Variants in ST6GAL1 observed in about 807,000 individuals in gnomAD.
ST6GAL1 encodes beta-galactoside alpha-2,6-sialyltransferase 1.
ST6GAL1 carries 20 observed loss-of-function variants against 38.0 expected under a neutral mutation model. The ratio of observed to expected loss-of-function variants is 0.53; its 90% confidence interval spans 0.37 to 0.77. The LOEUF (loss-of-function observed/expected upper bound fraction) is 0.77, where lower values mean the gene tolerates loss of function less well. ST6GAL1 is among the 30% of genes least tolerant of loss of function. ST6GAL1 has a pLI of 0.00. For missense variants in ST6GAL1, 432 were observed against 496.4 expected, an observed-to-expected ratio of 0.87 and a Z score of 1.23; for synonymous variants, 196 against 188.2, an observed-to-expected ratio of 1.04 and a Z score of -0.34.
intron 1 of ST6GAL1, among the ~76,000 whole-genome samples, chr3:186,953,090 G>A (rs567712662): frequency 4.3e-4 from 66 of 152,232 alleles, no homozygotes; most frequent in African/African-American, 1.2e-3. Flanking sequence ...TCTTAGAATC[G>A]TTTCACAACT....
chr3:186,938,970 G>T (rs866096949), intron 1 of ST6GAL1, among the ~76,000 whole-genome samples: 1 of 151,984 alleles, frequency 6.6e-6, no homozygotes, highest in Middle Eastern at 3.4e-3. Context: ...GTATGTGTGT[G>T]TAGGGAGGAT....
chr3:187,035,261 A>G (rs1311057266), intron 2 of ST6GAL1, among the ~76,000 whole-genome samples: 1 of 152,214 alleles, frequency 6.6e-6, no homozygotes, highest in East Asian at 1.9e-4. Context: ...GATGACACAA[A>G]CTAATGGAAA....
At chr3:186,993,610 T>C (rs1716259591) in intron 2 of ST6GAL1, among the ~76,000 whole-genome samples, 1 of 149,058 alleles carries the variant, frequency 6.7e-6, no homozygotes, top group African/African-American at 2.5e-5. Flanking sequence ...ATTTATATGT[T>C]TTAGAAAACT....
At chr3:186,961,766 T>G (rs1714943551) in intron 1 of ST6GAL1, among the ~76,000 whole-genome samples, 1 of 152,128 alleles carries the variant, frequency 6.6e-6, no homozygotes, top group South Asian at 2.1e-4. Flanking sequence ...CATCTCTCAC[T>G]GAAAGTTTGG....
intron 5 of ST6GAL1, among the ~76,000 whole-genome samples, chr3:187,052,548 T>C (rs778490594): frequency 5.0e-4 from 76 of 152,312 alleles, no homozygotes; most frequent in Non-Finnish European, 9.8e-4. Context: ...ACATGCGGTG[T>C]TTGGTTTTCT....
At chr3:187,062,665 A>G (rs2108595708) in intron 5 of ST6GAL1, among the ~76,000 whole-genome samples, 1 of 151,920 alleles carries the variant, frequency 6.6e-6, no homozygotes, top group East Asian at 1.9e-4. Flanking sequence ...ATGGGGAGTT[A>G]CTGTTTAATG....
chr3:187,038,948 G>A (rs1718033169), intron 3 of ST6GAL1, 75 bp downstream of exon 3: 1 of 152,236 alleles, frequency 6.6e-6, no homozygotes, highest in African/African-American at 2.4e-5. Flanking sequence ...AGATGTCCTG[G>A]CAGGGAATCT....
In ST6GAL1 at chr3:187,053,875, T is replaced by C. The variant is rs1201946334; in HGVS notation, c.705+2529T>C. Among the ~76,000 whole-genome samples, 3 of 152,246 alleles carry C rather than the reference T, an allele frequency of 2.0e-5. 1 individual carries two copies. In the South Asian group the frequency reaches 6.2e-4, roughly 31 times the overall value. ...CTTGATGGGGATGGCATTGAATCTA[T>C]AAATTACCTTGGGCAGTATGGCCCT... On this transcript the variant is annotated intron_variant, in intron 5 of 7. Coordinates refer to ENST00000169298, the MANE Select transcript of ST6GAL1 (RefSeq NM_173216.2).
intron 2 of ST6GAL1, among the ~76,000 whole-genome samples, chr3:186,988,405 A>G (rs1354605693): frequency 1.3e-5 from 2 of 152,128 alleles, no homozygotes; most frequent in Admixed American, 6.5e-5. Flanking sequence ...TGAGAGGGGT[A>G]GAAGCTATTG....
chr3:187,000,795 G>A (rs901106559), intron 2 of ST6GAL1, among the ~76,000 whole-genome samples: 23 of 152,130 alleles, frequency 1.5e-4, no homozygotes, highest in Non-Finnish European at 2.9e-4. Context: ...TTGTTCTGAG[G>A]TATTTTCGTA....
At chr3:186,949,667 A>G (rs905026528) in intron 1 of ST6GAL1, among the ~76,000 whole-genome samples, 9 of 152,174 alleles carry the variant, frequency 5.9e-5, no homozygotes, top group Non-Finnish European at 2.9e-5. Flanking sequence ...TTCCCTGTTA[A>G]CTACCGTTTG....
intron 1 of ST6GAL1, among the ~76,000 whole-genome samples, chr3:186,947,889 A>G (rs1247110820): frequency 6.6e-6 from 1 of 152,246 alleles, no homozygotes; most frequent in Non-Finnish European, 1.5e-5. Flanking sequence ...CATCTGTTCA[A>G]GCACCCACAG....
chr3:187,028,947 G>A (rs146550160), intron 2 of ST6GAL1, among the ~76,000 whole-genome samples: 124 of 152,186 alleles, frequency 8.1e-4, no homozygotes, highest in African/African-American at 2.6e-3. Flanking sequence ...TTAGCAGGGC[G>A]TGGTGGTGCA....
intron 2 of ST6GAL1, among the ~76,000 whole-genome samples, chr3:186,975,668 A>G (rs1480550788): frequency 6.6e-6 from 1 of 152,178 alleles, no homozygotes; most frequent in Non-Finnish European, 1.5e-5. Flanking sequence ...CCCAGGAGGA[A>G]GGAGAGGATC....
Position 186,970,194 on chromosome 3 carries a change from ATTTCTTTTTCT to A in ST6GAL1, c.-183+6283_-183+6293del, listed in dbSNP as rs1330014347. 6.1e-3 allele frequency among the ~76,000 whole-genome samples: 894 copies of A among 147,540 alleles called. 9 individuals are homozygous for A. Among genetic ancestry groups the A allele is most frequent in the African/African-American group, 0.021 (854 of 40,074 alleles). The stretch of plus-strand genomic sequence containing the variant: ...ATCCCTAGAATCAAGATAGAGAACT[ATTTCTTTTTCT>A]TTTCTTTTTCTTTTTTTTTTTTTTT... On this transcript the variant is annotated intron_variant, in intron 2 of 7. Transcript: ENST00000169298.
At chr3:186,990,650 CT>C (rs111805405) in intron 2 of ST6GAL1, among the ~76,000 whole-genome samples, 36,053 of 129,336 alleles carry the variant, frequency 0.28, 4,204 homozygotes, top group South Asian at 0.41. Context: ...ACAGGATGTT[CT>C]TTTTTTTTTT....
intron 1 of ST6GAL1, among the ~76,000 whole-genome samples, chr3:186,939,249 A>AT (rs979813791): frequency 2.0e-5 from 3 of 151,358 alleles, no homozygotes; most frequent in African/African-American, 7.3e-5. Flanking sequence ...AATTTTATTT[A>AT]TTTTTTTTGT....
At chr3:187,062,295 TGGAA>T in intron 5 of ST6GAL1, among the ~76,000 whole-genome samples, 1 of 152,208 alleles carries the variant, frequency 6.6e-6, no homozygotes, top group East Asian at 1.9e-4. Context: ...AACTTAAAAA[TGGAA>T]TTACCGTGTA....
intron 5 of ST6GAL1, among the ~76,000 whole-genome samples, chr3:187,065,895 A>T (rs2108598203): frequency 6.6e-6 from 1 of 152,208 alleles, no homozygotes; most frequent in South Asian, 2.1e-4. Flanking sequence ...ACCAACCACC[A>T]TTTTACCTCA....
Sources: gnomAD v4.1 joint callset for allele counts (sites outside exome capture counted in the v4.1 genomes callset) on GRCh38, gnomAD v4.1.1 for gene constraint, MANE v1.5 for transcripts, NCBI Gene and HGNC (gene_info 2026-07-23, HGNC 2026-07-21) for gene names.